Variants in SHANK1 observed in about 807,000 individuals in gnomAD.
SHANK1 encodes SH3 and multiple ankyrin repeat domains 1.
A neutral mutation model predicts 165.6 loss-of-function variants in SHANK1; 35 were observed. The observed-to-expected ratio is 0.21, with a 90% CI of 0.16 to 0.28. The LOEUF (loss-of-function observed/expected upper bound fraction) is 0.28. Ranked by LOEUF, SHANK1 falls within the 10% of genes least tolerant of loss-of-function variation. SHANK1 has a pLI of 1.00. For missense variants in SHANK1, 2,681 were observed against 3,036.4 expected (o/e 0.88, Z 2.75); for synonymous variants, 1,428 against 1,384.8 (o/e 1.03, Z -0.69).
At chr19:50,704,672 G>T (rs536686206) in intron 8 of SHANK1, among the ~76,000 whole-genome samples, 158 bp from the exon 9 acceptor site, 2 of 152,292 alleles carry the variant, frequency 1.3e-5, no homozygotes, top group East Asian at 3.9e-4. Context: ...TACGGACCAG[G>T]AGCACTTTAG....
rs1167048656 is a variant in SHANK1 at position 50,660,525 on chromosome 19, A to T, written c.*1440T>A. 2.0e-5 allele frequency among the ~76,000 whole-genome samples: 3 copies of T among 151,816 alleles called. No individual in the cohort carries two copies. Among genetic ancestry groups the T allele is most frequent in the Non-Finnish European group, 4.4e-5 (3 of 68,022 alleles). ...GCAAGAGCTGCTTGTCAACAGGAAT[A>T]AAAAATAAGCGTGTCAGGAAAAGAA... On this transcript the variant is annotated 3_prime_UTR_variant, in exon 24 of 24. Transcript: ENST00000293441.
At chr19:50,709,590 C>T (rs2088984379) in intron 8 of SHANK1, among the ~76,000 whole-genome samples, 1 of 152,038 alleles carries the variant, frequency 6.6e-6, no homozygotes, top group Non-Finnish European at 1.5e-5. Flanking sequence ...CACTCTGTCA[C>T]CCAGGCTGGA....
Position 50,667,477 on chromosome 19 carries a change from G to A in SHANK1, c.4483C>T (p.Leu1495Phe). Reference sequence around the variant, plus strand: ...GGGGCCCGGGGCTGGCAGTTTTCAAGGAACCGCACGTGCAGCGGCAGCCGC... The same window carrying A: ...GGGGCCCGGGGCTGGCAGTTTTCAAAGAACCGCACGTGCAGCGGCAGCCGC... ...PERLPLHVRF[L>F]ENCQPRAPVT... is the part of the protein sequence containing the mutation. The change falls in exon 23 of 24, where the codon CTT becomes TTT. Residue 1495 changes from leucine (L) to phenylalanine (F), a missense_variant. Coordinates refer to ENST00000293441, the MANE Select transcript of SHANK1 (RefSeq NM_016148.5). The surrounding 1 kb of genome is among the most constrained non-coding windows in gnomAD (Gnocchi z 5.7). 3.3e-6 allele frequency: 5 copies of A among 1,531,334 alleles called. No individual in the cohort carries two copies. Among genetic ancestry groups the A allele is most frequent in the Non-Finnish European group, 3.5e-6 (4 of 1,149,374 alleles). 94.9% of individuals were successfully genotyped at this position (1,531,334 alleles called of 1,614,324 possible).
In SHANK1 at chr19:50,703,804, C is replaced by T. The variant is rs564203495; in HGVS notation, c.1249G>A (p.Ala417Thr). 1.8e-4 allele frequency: 251 copies of T among 1,426,546 alleles called. 2 individuals are homozygous for T. Among genetic ancestry groups the T allele is most frequent in the South Asian group, 1.3e-3 (86 of 66,818 alleles). The allele number at this position is 1,426,546 out of a possible 1,614,324, so 88.4% of individuals were successfully genotyped here. A position where few individuals can be genotyped will look rare whatever the true frequency, so the allele number is the denominator to read the frequency against. ...VVPFQESPKY[A>T]ARRRGPPGTG... ...CCTGGGGGCCCCCGTCGCCGGGCCG[C>T]GTACTTGGGGGACTCCTGGAAGGGC... The change falls in exon 11 of 24, where the codon GCG (alanine) becomes ACG (threonine). Residue 417 changes from alanine (A) to threonine (T), a missense_variant. Transcript: ENST00000293441.
chr19:50,666,889 T>C lies in SHANK1; in HGVS notation c.5071A>G (p.Ile1691Val). ...RSSSDHPLET[I>V]SSASTLSSLS... The stretch of plus-strand genomic sequence containing the variant: ...CTGCTCAGCGTGGAGGCGCTGCTGA[T>C]GGTCTCCAGTGGGTGGTCACTGCTG... Residue 1691 changes from isoleucine (I) to valine (V), a missense_variant, in exon 23 of 24, where the codon ATC (isoleucine) becomes GTC (valine). Coordinates refer to ENST00000293441, the MANE Select transcript of SHANK1 (RefSeq NM_016148.5). The C allele has an allele frequency of 6.3e-7, 1 of 1,591,852 alleles. No individual in the cohort carries two copies. The highest frequency in any genetic ancestry group is 8.5e-7 in the Non-Finnish European group (1 of 1,170,988).
At chr19:50,695,166 C>T (rs1986693617) in intron 15 of SHANK1, among the ~76,000 whole-genome samples, 1 of 145,956 alleles carries the variant, frequency 6.9e-6, no homozygotes, top group African/African-American at 2.5e-5. Flanking sequence ...CCGCCTCATG[C>T]TGACCCGCGC....
chr19:50,714,342 G>C (rs1213631219), intron 4 of SHANK1, 52 bp from the exon 5 acceptor site: 1 of 1,516,712 alleles, frequency 6.6e-7, no homozygotes, highest in South Asian at 1.1e-5. Context: ...GCAAGGCAGA[G>C]AAGCAGGGTC....
chr19:50,662,789 T>C lies in SHANK1; in HGVS notation c.5769-107A>G. On this transcript the variant is annotated intron_variant, in intron 23 of 23. Coordinates refer to ENST00000293441, the MANE Select transcript of SHANK1 (RefSeq NM_016148.5). This position sits in a 1 kb window ranked among gnomAD's most constrained non-coding sequence, Gnocchi z 7.7. ...ATATAGGGAGAGAGGAGGAGAGACA[T>C]AAGGGTAGGGGGAGAGACGGAGGAG... 7 of 971,696 alleles carry C rather than the reference T, an allele frequency of 7.2e-6. No individual in the cohort carries two copies. The highest frequency in any genetic ancestry group is 1.1e-5 in the Non-Finnish European group (7 of 663,952). 60.2% of individuals were successfully genotyped at this position (971,696 alleles called of 1,614,324 possible).
chr19:50,689,009 G>A lies in SHANK1; in HGVS notation c.2048-41C>T, dbSNP rs983549903. On this transcript the variant is annotated intron_variant, in intron 16 of 23. Coordinates refer to ENST00000293441, the MANE Select transcript of SHANK1 (RefSeq NM_016148.5). ...AGCCGGCGGGGTCGGAGGGGAGGGG[G>A]TGGAGAGGCCGAGCAGGGGATGGGG... 7.7e-6 allele frequency: 11 copies of A among 1,431,048 alleles called. No homozygotes were observed. In the South Asian group the frequency reaches 9.8e-5, roughly 13 times the overall value. 88.6% of individuals were successfully genotyped at this position (1,431,048 alleles called of 1,614,324 possible).
intron 11 of SHANK1, among the ~76,000 whole-genome samples, chr19:50,703,229 G>A (rs2088891314): frequency 6.6e-6 from 1 of 150,952 alleles, no homozygotes; most frequent in East Asian, 1.9e-4. Context: ...CTGTCATTCT[G>A]TCTGTCCCCA....
chr19:50,683,197 C>A lies in SHANK1; in HGVS notation c.2577+3040G>T, dbSNP rs373556170. On this transcript the variant is annotated intron_variant, in intron 21 of 23. Transcript: ENST00000293441. ...TCTCAATGAGAGGTAGTTTTGCCCCCCAGAGGACGTTGGGCAGTATTTGCT... is the reference window on the plus strand; with the variant it reads ...TCTCAATGAGAGGTAGTTTTGCCCCACAGAGGACGTTGGGCAGTATTTGCT... 6.6e-5 allele frequency among the ~76,000 whole-genome samples: 10 copies of A among 152,240 alleles called. No individual in the cohort carries two copies. In the East Asian group the frequency reaches 1.2e-3, roughly 18 times the overall value.
intron 21 of SHANK1, among the ~76,000 whole-genome samples, chr19:50,676,928 C>A (rs1986002468): frequency 6.6e-6 from 1 of 152,218 alleles, no homozygotes; most frequent in Non-Finnish European, 1.5e-5. Context: ...CCCTCTTTTG[C>A]CCTTCTGCCT....
At position 50,702,765 on chromosome 19, in the gene SHANK1, A is replaced by AG. The variant is rs567805076; in HGVS notation, c.1554-106dup. The AG allele has an allele frequency of 6.7e-6, 4 of 594,872 alleles. No homozygotes were observed. The highest frequency in any genetic ancestry group is 2.0e-5 in the South Asian group (1 of 49,928). The allele number at this position is 594,872 out of a possible 1,614,324, so 36.8% of individuals were successfully genotyped here. A position where few individuals can be genotyped will look rare whatever the true frequency, so the allele number is the denominator to read the frequency against. ...GGAAGAGGACGGTGCATCAGGGGGG[A>AG]GGGGGGGTTTCCCAGCACTGGCGTC... On this transcript the variant is annotated intron_variant, in intron 11 of 23. Coordinates refer to ENST00000293441, the MANE Select transcript of SHANK1 (RefSeq NM_016148.5). This position sits in a 1 kb window ranked among gnomAD's most constrained non-coding sequence, Gnocchi z 5.3.
chr19:50,668,677 C>G lies in SHANK1; in HGVS notation c.3283G>C (p.Ala1095Pro). The change falls in exon 23 of 24, where the codon GCC (alanine) becomes CCC (proline). Residue 1095 changes from alanine (A) to proline (P), a missense_variant. By Grantham distance (27) the Ala-to-Pro change is conservative (BLOSUM62 -1). Around this residue, in one of 10 missense-constraint regions of SHANK1, gnomAD observed 1,713 missense variants for 1,630.2 expected, o/e 1.05. Coordinates refer to ENST00000293441, the MANE Select transcript of SHANK1 (RefSeq NM_016148.5). ...CCCGAGCGGGCGGGCACGTACATGG[C>G]TGCGCTGGCCGCCCGCGGGGGCAGC... ...FQLPPRAASA[A>P]MYVPARSGRG... 1 of 1,324,214 alleles carries G rather than the reference C, an allele frequency of 7.6e-7. No individual in the cohort carries two copies. The highest frequency in any genetic ancestry group is 9.6e-7 in the Non-Finnish European group (1 of 1,041,902). The allele number at this position is 1,324,214 out of a possible 1,614,324, so 82.0% of individuals were successfully genotyped here.
Position 50,667,944 on chromosome 19 carries a change from A to C in SHANK1, c.4016T>G (p.Val1339Gly). The C allele has an allele frequency of 7.2e-7, 1 of 1,390,262 alleles. No individual in the cohort carries two copies. The highest frequency in any genetic ancestry group is 9.3e-7 in the Non-Finnish European group (1 of 1,078,102). 86.1% of individuals were successfully genotyped at this position (1,390,262 alleles called of 1,614,324 possible). A position where few individuals can be genotyped will look rare whatever the true frequency, so the allele number is the denominator to read the frequency against. ...FTSFLPPRPL[V>G]HPLTGKALDP... ...CAGGGCCTTGCCGGTCAGCGGGTGC[A>C]CCAGGGGTCGCGGGGGCAGGAAGCT... The change falls in exon 23 of 24, where the codon GTG becomes GGG. Residue 1339 changes from valine (V) to glycine (G), a missense_variant. Val to Gly is a moderately radical substitution (Grantham distance 109). Transcript: ENST00000293441. The surrounding 1 kb of genome is among the most constrained non-coding windows in gnomAD (Gnocchi z 5.7).
chr19:50,675,589 A>C (rs565186875), intron 21 of SHANK1, among the ~76,000 whole-genome samples: 2 of 152,354 alleles, frequency 1.3e-5, no homozygotes, highest in Admixed American at 1.3e-4. Context: ...GATACGACAA[A>C]TTAGACAAAT....
At chr19:50,694,523 C>T (rs1052619089) in intron 15 of SHANK1, among the ~76,000 whole-genome samples, 2 of 129,164 alleles carry the variant, frequency 1.5e-5, no homozygotes, top group African/African-American at 3.0e-5. Flanking sequence ...GGCAGAAAGG[C>T]GAGTGGGCTC....
chr19:50,707,553 C>A (rs182925027), intron 8 of SHANK1, among the ~76,000 whole-genome samples: 2 of 126,230 alleles, frequency 1.6e-5, no homozygotes, highest in Admixed American at 9.2e-5. Flanking sequence ...AACAACCTGG[C>A]CTTCTTCTTC....
In SHANK1 at chr19:50,713,649, C is replaced by CT; in HGVS notation, c.792+148dup. On this transcript the variant is annotated intron_variant, in intron 6 of 23. Transcript: ENST00000293441. The surrounding 1 kb of genome is among the most constrained non-coding windows in gnomAD (Gnocchi z 6.2). ...GGCCTGACAAGGGTGACAATAGGGG[C>CT]TGTGTCTCAGTCTATGGAAAGGGGC... 1.9e-6 allele frequency: 2 copies of CT among 1,043,922 alleles called. No individual in the cohort carries two copies. Among genetic ancestry groups the CT allele is most frequent in the Non-Finnish European group, 2.8e-6 (2 of 715,400 alleles). 64.7% of individuals were successfully genotyped at this position (1,043,922 alleles called of 1,614,324 possible).
Sources: allele counts gnomAD v4.1 joint callset (sites outside exome capture counted in the v4.1 genomes callset), GRCh38; gene constraint gnomAD v4.1.1; regional missense constraint gnomAD v4.1.1; non-coding constraint Gnocchi (gnomAD v3.1); transcripts MANE v1.5; gene names NCBI Gene and HGNC (gene_info 2026-07-23, HGNC 2026-07-21).